Variants in HNRNPR observed in about 807,000 individuals in gnomAD.
HNRNPR encodes heterogeneous nuclear ribonucleoprotein R.
Under a neutral mutation model 70.3 loss-of-function variants are expected in HNRNPR, and 4 were observed. That is an observed-to-expected ratio of 0.06 (90% CI 0.03 to 0.13). The LOEUF (loss-of-function observed/expected upper bound fraction) is 0.13. Among genes scored for constraint, HNRNPR ranks in the 10% least tolerant of loss-of-function variants. The pLI is 1.00. For missense variants in HNRNPR, 423 were observed against 788.5 expected (o/e 0.54, Z 5.55); for synonymous variants, 241 against 267.6 (o/e 0.90, Z 0.97).
rs145329495 is a variant in HNRNPR, at chr1:23,313,461, C to G, written c.1167+92G>C. On this transcript the variant is annotated intron_variant, in intron 9 of 10. Coordinates refer to ENST00000302271, the MANE Select transcript of HNRNPR (RefSeq NM_005826.5). ...AAAGAGTTCAGCAAAAGCTGACAAC[C>G]AATATTGTTTCAGTTTTTAAAGTTA... 173 of 837,896 alleles carry G rather than the reference C, an allele frequency of 2.1e-4. 1 individual carries two copies. The East Asian group carries it at 3.5e-3, about 17-fold the overall frequency. 51.9% of individuals were successfully genotyped at this position (837,896 alleles called of 1,614,324 possible).
In HNRNPR at chr1:23,321,667, C is replaced by T; in HGVS notation, c.676-4G>A. 1 of 1,603,538 alleles carries T rather than the reference C, an allele frequency of 6.2e-7. No individual in the cohort carries two copies. The highest frequency in any genetic ancestry group is 8.5e-7 in the Non-Finnish European group (1 of 1,175,176). ...GGCGAATTTCATAGCTGTCACACTG[C>T]AATAAGAAAAGAACCAGAGACCCCA... On this transcript the variant is annotated splice_region_variant and splice_polypyrimidine_tract_variant and intron_variant, in intron 6 of 10. Coordinates refer to ENST00000302271, the MANE Select transcript of HNRNPR (RefSeq NM_005826.5).
In HNRNPR at chr1:23,309,365, C is replaced by CA. The variant is rs1191246781; in HGVS notation, c.*1088dup. The CA allele has an allele frequency of 6.6e-6, 1 of 152,136 alleles. No homozygotes were observed. The highest frequency in any genetic ancestry group is 1.5e-5 in the Non-Finnish European group (1 of 67,980). The allele number at this position is 152,136 out of a possible 1,614,324, so 9.4% of individuals were successfully genotyped here. A position where few individuals can be genotyped will look rare whatever the true frequency, so the allele number is the denominator to read the frequency against. ...GTACTAACAATTTTCCCTGTATGTA[C>CA]ATTCACTTATCCAGCAAATAAGGTC... On this transcript the variant is annotated 3_prime_UTR_variant, in exon 11 of 11. Transcript: ENST00000302271.
chr1:23,333,568 GACC>G lies in HNRNPR; in HGVS notation c.445_447del (p.Gly149del), dbSNP rs760578452. On this transcript the variant is annotated inframe_deletion, in exon 5 of 11. Coordinates refer to ENST00000302271, the MANE Select transcript of HNRNPR (RefSeq NM_005826.5). ...CCAGAGTACACACTGTCTGGTGGAGGACCACCATACTTCCTCTGTCCTGTGGTT... is the reference window on the plus strand; with the variant it reads ...CCAGAGTACACACTGTCTGGTGGAGGACCATACTTCCTCTGTCCTGTGGTT... The G allele has an allele frequency of 6.2e-7, 1 of 1,613,298 alleles. No individual in the cohort carries two copies. Among genetic ancestry groups the G allele is most frequent in the South Asian group, 1.1e-5 (1 of 91,060 alleles).
chr1:23,311,177 A>G lies in HNRNPR; in HGVS notation c.1289+24T>C, dbSNP rs150660854. The G allele has an allele frequency of 5.6e-3, 8,963 of 1,613,010 alleles. 42 individuals are homozygous for G. Among genetic ancestry groups the G allele is most frequent in the Non-Finnish European group, 6.5e-3 (7,658 of 1,179,652 alleles). ...ATCACGTTATTCCTTGTCCAAAGATATATCTACTAAAATGTAGACTCACGC... is the reference window on the plus strand; with the variant it reads ...ATCACGTTATTCCTTGTCCAAAGATGTATCTACTAAAATGTAGACTCACGC... On this transcript the variant is annotated intron_variant, in intron 10 of 10. Transcript: ENST00000302271.
At chr1:23,335,184 C>T (rs1456725165) in intron 4 of HNRNPR, among the ~76,000 whole-genome samples, 5 of 152,228 alleles carry the variant, frequency 3.3e-5, no homozygotes, top group Non-Finnish European at 7.3e-5. Context: ...TCCCAAAGTG[C>T]TGGGATTACA....
intron 2 of HNRNPR, among the ~76,000 whole-genome samples, chr1:23,339,024 G>A (rs965045030): frequency 4.6e-5 from 7 of 152,126 alleles, no homozygotes; most frequent in Non-Finnish European, 1.0e-4. Context: ...AATTACAGAC[G>A]GTTACAGTTG....
chr1:23,311,701 T>G (rs1456150923), intron 9 of HNRNPR: 1 of 169,728 alleles, frequency 5.9e-6, no homozygotes, highest in Admixed American at 5.9e-5. Context: ...CAGACAAAGA[T>G]TAACTTCTCA....
intron 5 of HNRNPR, among the ~76,000 whole-genome samples, chr1:23,330,064 T>G (rs1389784732): frequency 6.6e-6 from 1 of 152,232 alleles, no homozygotes; most frequent in African/African-American, 2.4e-5. Context: ...TTTAGGGCTC[T>G]GTTAAATACA....
intron 5 of HNRNPR, among the ~76,000 whole-genome samples, chr1:23,326,963 A>AT (rs1291623412): frequency 6.6e-6 from 1 of 152,076 alleles, no homozygotes; most frequent in African/African-American, 2.4e-5. Context: ...GTAACAAATG[A>AT]TTTTTTCTAA....
intron 5 of HNRNPR, among the ~76,000 whole-genome samples, chr1:23,327,021 GCCC>G (rs1020743046): frequency 3.9e-5 from 6 of 151,960 alleles, no homozygotes; most frequent in Admixed American, 3.9e-4. Flanking sequence ...TCCTCTGATT[GCCC>G]CCGTCTACCT....
chr1:23,328,063 GGTACAA>G (rs1553157862), intron 5 of HNRNPR, among the ~76,000 whole-genome samples: 1 of 151,774 alleles, frequency 6.6e-6, no homozygotes, highest in Non-Finnish European at 1.5e-5. Context: ...TGATGGAACA[GGTACAA>G]AAGGCCATGA....
intron 8 of HNRNPR, among the ~76,000 whole-genome samples, chr1:23,315,739 T>C (rs1292553978): frequency 6.6e-6 from 1 of 152,140 alleles, no homozygotes; most frequent in African/African-American, 2.4e-5. Flanking sequence ...AACTAACATA[T>C]TGAACAAATT....
At chr1:23,335,140 G>A (rs1471469860) in intron 4 of HNRNPR, among the ~76,000 whole-genome samples, 1 of 151,876 alleles carries the variant, frequency 6.6e-6, no homozygotes, top group Admixed American at 6.6e-5. Context: ...GGATGGTCTC[G>A]ATCTCCTGAC....
At chr1:23,335,744 G>C (rs988923909) in intron 4 of HNRNPR, among the ~76,000 whole-genome samples, 1 of 152,106 alleles carries the variant, frequency 6.6e-6, no homozygotes, top group Admixed American at 6.6e-5. Flanking sequence ...ATTATGGTGA[G>C]TTGTATAATT....
rs1645205977 is a variant in HNRNPR at position 23,306,616 on chromosome 1, A to AAAACC, written c.*3833_*3837dup. 2 of 152,068 alleles carry AAAACC rather than the reference A, an allele frequency of 1.3e-5. No individual in the cohort carries two copies. The highest frequency in any genetic ancestry group is 1.3e-4 in the Admixed American group (2 of 15,272). The allele number at this position is 152,068 out of a possible 1,614,324, so 9.4% of individuals were successfully genotyped here. A position where few individuals can be genotyped will look rare whatever the true frequency, so the allele number is the denominator to read the frequency against. On this transcript the variant is annotated 3_prime_UTR_variant, in exon 11 of 11. Coordinates refer to ENST00000302271, the MANE Select transcript of HNRNPR (RefSeq NM_005826.5). ...ACAAAAAAACAAAACAAAACAAAACAAAACCAGAGCTTCTGGTAACCTCTA... is the reference window on the plus strand; with the variant it reads ...ACAAAAAAACAAAACAAAACAAAACAAAACCAAACCAGAGCTTCTGGTAACCTCTA...
chr1:23,311,172 A>G (rs764461025), intron 10 of HNRNPR, 29 bp downstream of exon 10: 14 of 1,612,398 alleles, frequency 8.7e-6, no homozygotes, highest in Non-Finnish European at 1.2e-5. Flanking sequence ...TCCTTGTCCA[A>G]AGATATATCT....
chr1:23,315,173 G>A lies in HNRNPR; in HGVS notation c.1018-1471C>T, dbSNP rs181792616. 4.8e-3 allele frequency among the ~76,000 whole-genome samples: 730 copies of A among 151,390 alleles called. 3 individuals are homozygous for A. Among genetic ancestry groups the A allele is most frequent in the Admixed American group, 6.9e-3 (104 of 15,182 alleles). ...GAGGCACCTATAACCCCAGCTACTC[G>A]GGAAGCTGAGGCAGGAGAATCACTT... On this transcript the variant is annotated intron_variant, in intron 8 of 10. Transcript: ENST00000302271.
At position 23,307,600 on chromosome 1, in the gene HNRNPR, T is replaced by C. The variant is rs1038666091; in HGVS notation, c.*2854A>G. Reference sequence around the variant, plus strand: ...CAAATAAACCTGCATTTATTAGAAATCTGGCAACTTATTAGAACTTTTTTG... The same window carrying C: ...CAAATAAACCTGCATTTATTAGAAACCTGGCAACTTATTAGAACTTTTTTG... On this transcript the variant is annotated 3_prime_UTR_variant, in exon 11 of 11. Coordinates refer to ENST00000302271, the MANE Select transcript of HNRNPR (RefSeq NM_005826.5). The C allele has an allele frequency of 2.0e-5, 3 of 152,118 alleles. No homozygotes were observed. The highest frequency in any genetic ancestry group is 6.5e-5 in the Admixed American group (1 of 15,278). 9.4% of individuals were successfully genotyped at this position (152,118 alleles called of 1,614,324 possible). A position where few individuals can be genotyped will look rare whatever the true frequency, so the allele number is the denominator to read the frequency against.
chr1:23,336,692 GTGAGCTGAGA>G (rs199578232), intron 4 of HNRNPR, among the ~76,000 whole-genome samples: 5,615 of 148,302 alleles, frequency 0.038, 341 homozygotes, highest in African/African-American at 0.13. Flanking sequence ...AGAGGTTGAA[GTGAGCTGAGA>G]TGAGCTGAGA....
Sources: gnomAD v4.1 joint callset for allele counts (sites outside exome capture counted in the v4.1 genomes callset) on GRCh38, gnomAD v4.1.1 for gene constraint, MANE v1.5 for transcripts, NCBI Gene and HGNC (gene_info 2026-07-23, HGNC 2026-07-21) for gene names.